AP2B1: variants seen among roughly 807,000 people sequenced by gnomAD.
The protein encoded by AP2B1 is adaptor related protein complex 2 subunit beta 1.
Under a neutral mutation model 102.0 loss-of-function variants are expected in AP2B1, and 23 were observed. The ratio of observed to expected loss-of-function variants is 0.23; its 90% CI spans 0.16 to 0.32. The LOEUF is 0.32. AP2B1 is among the 10% of genes least tolerant of loss of function. The probability of loss-of-function intolerance (pLI) is 1.00; values close to 1 mark genes in which losing one functional copy is unlikely to be tolerated. For missense variants in AP2B1, 541 were observed against 1,157.4 expected (o/e 0.47, Z 7.73); for synonymous variants, 381 against 421.2 (o/e 0.90, Z 1.17).
intron 18 of AP2B1, among the ~76,000 whole-genome samples, chr17:35,685,123 A>G (rs904943406): frequency 2.0e-5 from 3 of 152,166 alleles, no homozygotes; most frequent in African/African-American, 7.2e-5. Context: ...TTAACTACTG[A>G]TTTTTCAAGT....
At chr17:35,682,945 T>G in intron 18 of AP2B1, 121 bp downstream of exon 18, 3 of 930,456 alleles carry the variant, frequency 3.2e-6, no homozygotes, top group African/African-American at 1.7e-5. Flanking sequence ...TGGTGCGATC[T>G]TGGCTCACTG....
At chr17:35,646,804 G>A (rs1242672023) in intron 12 of AP2B1, among the ~76,000 whole-genome samples, 6 of 151,934 alleles carry the variant, frequency 3.9e-5, no homozygotes, top group Non-Finnish European at 5.9e-5. Context: ...GGCCAGGCTG[G>A]TCTCAAACCC....
In AP2B1 at chr17:35,674,902, T is replaced by A. The variant is rs568573616; in HGVS notation, c.2324+581T>A. Among the ~76,000 whole-genome samples, 7 of 152,356 alleles carry A rather than the reference T, an allele frequency of 4.6e-5. No homozygotes were observed. The South Asian group carries it at 1.0e-3, about 23-fold the overall frequency. The stretch of plus-strand genomic sequence containing the variant: ...GATTAGAACGTTTTTGATAAATTTT[T>A]AACTGAAATCCATTTATTCATTCAA... On this transcript the variant is annotated intron_variant, in intron 17 of 21. Coordinates refer to ENST00000610402, the MANE Select transcript of AP2B1 (RefSeq NM_001030006.2).
chr17:35,601,119 A>G (rs938859756), intron 3 of AP2B1: 5 of 531,844 alleles, frequency 9.4e-6, no homozygotes, highest in Admixed American at 6.4e-5. Flanking sequence ...TTAGCAGGCA[A>G]AGAGGCAAAA....
intron 3 of AP2B1, chr17:35,601,138 G>A: frequency 3.3e-6 from 1 of 299,540 alleles, no homozygotes; most frequent in Non-Finnish European, 4.9e-6. Context: ...AATTGAGTTT[G>A]GTAGGTAGGT....
intron 12 of AP2B1, among the ~76,000 whole-genome samples, chr17:35,643,647 A>G (rs2074847267): frequency 6.6e-6 from 1 of 152,222 alleles, no homozygotes; most frequent in African/African-American, 2.4e-5. Flanking sequence ...ATCAAGCATT[A>G]TTAATAGACA....
intron 16 of AP2B1, among the ~76,000 whole-genome samples, chr17:35,672,350 T>G (rs2075606718): frequency 6.6e-6 from 1 of 152,172 alleles, no homozygotes; most frequent in Non-Finnish European, 1.5e-5. Flanking sequence ...GAGTTCCAAT[T>G]TAGGTTTGTG....
chr17:35,678,306 C>T (rs2075745460), intron 17 of AP2B1, among the ~76,000 whole-genome samples: 1 of 151,732 alleles, frequency 6.6e-6, no homozygotes, highest in Admixed American at 6.6e-5. Context: ...TTCTAGTTTC[C>T]TACATAAATA....
At chr17:35,635,990 T>C (rs1328984213) in intron 9 of AP2B1, among the ~76,000 whole-genome samples, 3 of 112,330 alleles carry the variant, frequency 2.7e-5, no homozygotes, top group Non-Finnish European at 5.3e-5. Context: ...CGCCTAGCCT[T>C]GGTAGTATTT....
At position 35,638,789 on chromosome 17, in the gene AP2B1, G is replaced by GA. The variant is rs11286699; in HGVS notation, c.1272-788dup. Among the ~76,000 whole-genome samples the GA allele has an allele frequency of 3.2e-3, 355 of 110,536 alleles. 1 individual carries two copies. Among genetic ancestry groups the GA allele is most frequent in the African/African-American group, 0.01 (291 of 28,482 alleles). 72.5% of individuals were successfully genotyped at this position (110,536 alleles called of 152,430 possible). The stretch of plus-strand genomic sequence containing the variant: ...GGGCGACAGAGCAACACTCCGTCTT[G>GA]AAAAAAAAAAAAAAAAAAGAAAGCT... On this transcript the variant is annotated intron_variant, in intron 10 of 21. Coordinates refer to ENST00000610402, the MANE Select transcript of AP2B1 (RefSeq NM_001030006.2).
intron 6 of AP2B1, 107 bp downstream of exon 6, chr17:35,624,694 T>A: frequency 1.1e-6 from 1 of 943,158 alleles, no homozygotes; most frequent in South Asian, 1.9e-5. Context: ...GCTTCTGGGG[T>A]AGATATTGCT....
chr17:35,614,858 G>A (rs1411151372), intron 5 of AP2B1, among the ~76,000 whole-genome samples: 1 of 152,074 alleles, frequency 6.6e-6, no homozygotes, highest in Non-Finnish European at 1.5e-5. Context: ...AAAGCAGTAT[G>A]TATTTTGACT....
At chr17:35,644,430 T>A (rs1237020628) in intron 12 of AP2B1, among the ~76,000 whole-genome samples, 1 of 152,094 alleles carries the variant, frequency 6.6e-6, no homozygotes, top group Non-Finnish European at 1.5e-5. Context: ...CAGGCTGGAG[T>A]GCAGTGGCGT....
At chr17:35,665,126 C>CTT (rs10635426) in intron 14 of AP2B1, among the ~76,000 whole-genome samples, 62,402 of 116,212 alleles carry the variant, frequency 0.54, 18,033 homozygotes, top group African/African-American at 0.65. Flanking sequence ...TTTGGAATAG[C>CTT]TTTTTTTTTT....
chr17:35,617,390 G>GA (rs764953094), intron 5 of AP2B1, among the ~76,000 whole-genome samples: 13 of 152,156 alleles, frequency 8.5e-5, no homozygotes, highest in Non-Finnish European at 1.5e-4. Context: ...TACAGTGATT[G>GA]TAGTGCCGGA....
intron 18 of AP2B1, among the ~76,000 whole-genome samples, chr17:35,704,547 A>G (rs932284441): frequency 6.6e-6 from 1 of 152,178 alleles, no homozygotes; most frequent in African/African-American, 2.4e-5. Context: ...CCTCCACTCA[A>G]GGAGCTCATT....
In AP2B1 at chr17:35,605,774, C is replaced by G; in HGVS notation, c.213C>G (p.Leu71=). The G allele has an allele frequency of 2.5e-6, 4 of 1,614,184 alleles. No homozygotes were observed. The highest frequency in any genetic ancestry group is 3.4e-6 in the Non-Finnish European group (4 of 1,180,008). ...DNLELKKLVY[L]YLMNYAKSQP... is the part of the protein sequence containing the mutation. ...TGGAACTAAAGAAGCTTGTGTATCT[C>G]TACTTGATGAACTACGCCAAGAGTC... Residue 71 remains leucine (L), a synonymous_variant, in exon 4 of 22, where the codon CTC becomes CTG. Transcript: ENST00000610402.
intron 9 of AP2B1, among the ~76,000 whole-genome samples, chr17:35,631,089 A>T (rs2074448717): frequency 6.6e-6 from 1 of 152,162 alleles, no homozygotes; most frequent in Non-Finnish European, 1.5e-5. Context: ...AGCACTGAAA[A>T]AGCAATCCTA....
chr17:35,596,282 G>T (rs1456865148), intron 2 of AP2B1, among the ~76,000 whole-genome samples: 2 of 152,188 alleles, frequency 1.3e-5, no homozygotes, highest in Non-Finnish European at 2.9e-5. Flanking sequence ...GCTGGATTTG[G>T]CAGGATGGGA....
Sources: gnomAD v4.1 joint callset for allele counts (sites outside exome capture counted in the v4.1 genomes callset) on GRCh38, gnomAD v4.1.1 for gene constraint, MANE v1.5 for transcripts, NCBI Gene and HGNC (gene_info 2026-07-23, HGNC 2026-07-21) for gene names.